TP63: variants seen among roughly 807,000 people sequenced by gnomAD.
TP63 encodes the protein tumor protein p63, also known as tumor protein 63.
Under a neutral mutation model 82.8 loss-of-function variants are expected in TP63, and 17 were observed. That is an observed-to-expected ratio of 0.21 (90% confidence interval 0.14 to 0.31). TP63 has a LOEUF of 0.31. Among genes scored for constraint, TP63 ranks in the 10% least tolerant of loss-of-function variants. The probability of loss-of-function intolerance (pLI) is 1.00; values close to 1 mark genes in which losing one functional copy is unlikely to be tolerated. For synonymous variants in TP63, 330 were observed against 321.7 expected (o/e 1.03, Z -0.28); for missense variants, 648 against 895.3 (o/e 0.72, Z 3.52).
intron 4 of TP63, among the ~76,000 whole-genome samples, chr3:189,823,064 A>C (rs1308314788): frequency 6.6e-6 from 1 of 152,178 alleles, no homozygotes; most frequent in African/African-American, 2.4e-5. Context: ...GTATTTTGTG[A>C]CCAGAAAGAT....
intron 3 of TP63, among the ~76,000 whole-genome samples, chr3:189,769,746 T>C (rs1197634992): frequency 1.3e-5 from 2 of 152,340 alleles, no homozygotes; most frequent in African/African-American, 4.8e-5. Context: ...ATTATGTTGC[T>C]GGACTTCCTC....
chr3:189,885,458 G>A lies in TP63; in HGVS notation c.1350-936G>A, dbSNP rs148024162. On this transcript the variant is annotated intron_variant, in intron 10 of 13. Coordinates refer to ENST00000264731, the MANE Select transcript of TP63 (RefSeq NM_003722.5). ...ATAGTTTTCTTGTGAGAAAACAAAG[G>A]CCAGGATGTTAAGTAGCTCGCATGG... is the stretch of plus-strand genomic sequence containing the variant. Among the ~76,000 whole-genome samples, 18 of 152,260 alleles carry A rather than the reference G, an allele frequency of 1.2e-4. 1 individual carries two copies. The East Asian group carries it at 1.5e-3, about 13-fold the overall frequency.
At chr3:189,738,822 A>C in intron 3 of TP63, 48 bp downstream of exon 3, 1 of 1,607,548 alleles carries the variant, frequency 6.2e-7, no homozygotes, top group Non-Finnish European at 8.5e-7. Context: ...TGCTATCTAT[A>C]GCTCTGTTAA....
At chr3:189,792,026 A>G (rs961373566) in intron 3 of TP63, among the ~76,000 whole-genome samples, 3 of 152,086 alleles carry the variant, frequency 2.0e-5, no homozygotes, top group African/African-American at 7.2e-5. Context: ...AAAAACTATA[A>G]TCCATTCTTT....
intron 3 of TP63, among the ~76,000 whole-genome samples, chr3:189,774,133 A>G (rs570335890): frequency 3.3e-5 from 5 of 152,108 alleles, no homozygotes; most frequent in South Asian, 2.1e-4. Flanking sequence ...CGTGTTAGCC[A>G]GGATGGTCTC....
chr3:189,770,479 T>C (rs187714273), intron 3 of TP63, among the ~76,000 whole-genome samples: 9 of 151,938 alleles, frequency 5.9e-5, no homozygotes, highest in African/African-American at 1.9e-4. Flanking sequence ...GCAGGAGGAT[T>C]GCTGGAGCCC....
chr3:189,695,821 T>A (rs972965254), intron 1 of TP63, among the ~76,000 whole-genome samples: 3 of 152,230 alleles, frequency 2.0e-5, no homozygotes, highest in Non-Finnish European at 2.9e-5. Context: ...ATTGTTAAAA[T>A]GTAGCCTGTG....
At chr3:189,722,765 C>A (rs894010916) in intron 1 of TP63, among the ~76,000 whole-genome samples, 2 of 152,080 alleles carry the variant, frequency 1.3e-5, no homozygotes, top group Non-Finnish European at 2.9e-5. Flanking sequence ...AGATCAATGC[C>A]CAGCATGCAG....
chr3:189,642,987 A>G (rs1201469809), intron 1 of TP63, among the ~76,000 whole-genome samples: 1 of 93,434 alleles, frequency 1.1e-5, no homozygotes, highest in East Asian at 3.3e-4. Flanking sequence ...AAATTTATTT[A>G]TTTATTTATT....
intron 1 of TP63, among the ~76,000 whole-genome samples, chr3:189,658,388 G>T (rs1422381362): frequency 1.3e-5 from 2 of 152,000 alleles, no homozygotes; most frequent in East Asian, 3.9e-4. Context: ...TTAAGTACGG[G>T]CTGCATGTAG....
the TP63 span, among the ~76,000 whole-genome samples, chr3:189,597,257 G>A: frequency 6.6e-6 from 1 of 152,192 alleles, no homozygotes; most frequent in East Asian, 1.9e-4. Context: ...TCAGTTTTCA[G>A]TTGAAACCCA....
At chr3:189,782,281 G>A (rs934556985) in intron 3 of TP63, among the ~76,000 whole-genome samples, 2 of 152,144 alleles carry the variant, frequency 1.3e-5, no homozygotes, top group Non-Finnish European at 2.9e-5. Flanking sequence ...TTCAGCAGAA[G>A]AGACTAACTC....
intron 4 of TP63, among the ~76,000 whole-genome samples, chr3:189,811,300 G>A (rs1727544141): frequency 6.6e-6 from 1 of 152,122 alleles, no homozygotes; most frequent in Admixed American, 6.5e-5. Flanking sequence ...GGTTCGCATC[G>A]ATATATTGTC....
intron 4 of TP63, among the ~76,000 whole-genome samples, chr3:189,823,799 G>A (rs1729046903): frequency 6.6e-6 from 1 of 152,098 alleles, no homozygotes; most frequent in Admixed American, 6.5e-5. Context: ...TGGGGTGAAA[G>A]TGATTTGTAA....
At chr3:189,607,879 C>T in the TP63 span, among the ~76,000 whole-genome samples, 1 of 152,062 alleles carries the variant, frequency 6.6e-6, no homozygotes, top group Non-Finnish European at 1.5e-5. Flanking sequence ...TTTCAAAACT[C>T]ATGACTCTAA....
At chr3:189,694,055 TA>T (rs957063128) in intron 1 of TP63, among the ~76,000 whole-genome samples, 1 of 152,230 alleles carries the variant, frequency 6.6e-6, no homozygotes, top group African/African-American at 2.4e-5. Flanking sequence ...TGGACTATAA[TA>T]AAGTATGTTG....
At chr3:189,840,741 C>A (rs1474445955) in intron 4 of TP63, among the ~76,000 whole-genome samples, 1 of 151,200 alleles carries the variant, frequency 6.6e-6, no homozygotes, top group Admixed American at 6.6e-5. Flanking sequence ...ACCTGTAATC[C>A]CAGCTACTCG....
At chr3:189,839,055 A>AG (rs1195055434) in intron 4 of TP63, among the ~76,000 whole-genome samples, 2 of 149,330 alleles carry the variant, frequency 1.3e-5, no homozygotes, top group Admixed American at 6.9e-5. Context: ...AAAAAAAAAA[A>AG]AAAAAAAAAG....
intron 1 of TP63, among the ~76,000 whole-genome samples, chr3:189,713,309 A>G (rs1399786448): frequency 6.6e-6 from 1 of 152,176 alleles, no homozygotes; most frequent in Non-Finnish European, 1.5e-5. Flanking sequence ...AGTGGGGAAG[A>G]GGCCAATTAT....
Sources: gnomAD v4.1 joint callset for allele counts (sites outside exome capture counted in the v4.1 genomes callset) on GRCh38, gnomAD v4.1.1 for gene constraint, MANE v1.5 for transcripts, NCBI Gene and HGNC (gene_info 2026-07-23, HGNC 2026-07-21) for gene names.